The following KMT5A variants were observed in gnomAD, a reference collection of about 807,000 sequenced individuals.
The protein encoded by KMT5A is lysine methyltransferase 5A.
KMT5A carries 6 observed loss-of-function variants against 40.6 expected under a neutral mutation model. The ratio of observed to expected loss-of-function variants is 0.15; its 90% CI spans 0.08 to 0.29. The LOEUF (loss-of-function observed/expected upper bound fraction) is 0.29, where lower values mean the gene tolerates loss of function less well. Ranked by LOEUF, KMT5A falls within the 10% of genes least tolerant of loss-of-function variation. The pLI is 1.00. For missense variants in KMT5A, 308 were observed against 459.1 expected (o/e 0.67, Z 3.01); for synonymous variants, 153 against 178.8 (o/e 0.86, Z 1.15).
intron 1 of KMT5A, among the ~76,000 whole-genome samples, chr12:123,387,819 A>C (rs559352696): frequency 1.3e-5 from 2 of 152,190 alleles, no homozygotes; most frequent in Admixed American, 6.5e-5. Flanking sequence ...ATGGAATTCA[A>C]GGTTCTTGGT....
intron 7 of KMT5A, 118 bp downstream of exon 7, chr12:123,405,192 C>G: frequency 1.2e-6 from 1 of 839,364 alleles, no homozygotes; most frequent in Admixed American, 3.6e-5. Flanking sequence ...TTGTTGTTGA[C>G]TTTTTTTTTT....
intron 7 of KMT5A, among the ~76,000 whole-genome samples, chr12:123,405,843 G>A (rs1461410232): frequency 2.2e-5 from 3 of 134,192 alleles, no homozygotes; most frequent in Admixed American, 7.5e-5. Context: ...CTTTTGAGAC[G>A]GAGTCTCGTT....
At position 123,387,408 on chromosome 12, in the gene KMT5A, C is replaced by G. The variant is rs537788908; in HGVS notation, c.11-2025C>G. 5.3e-5 allele frequency among the ~76,000 whole-genome samples: 8 copies of G among 152,348 alleles called. No homozygotes were observed. In the South Asian group the frequency reaches 1.0e-3, roughly 20 times the overall value. On this transcript the variant is annotated intron_variant, in intron 1 of 7. Coordinates refer to ENST00000402868, the MANE Select transcript of KMT5A (RefSeq NM_020382.7). Reference sequence around the variant, plus strand: ...AGATGATCTATGTGGGTGCTTCCTGCTCCAAAACCATGATTCTCATGGCAG... The same window carrying G: ...AGATGATCTATGTGGGTGCTTCCTGGTCCAAAACCATGATTCTCATGGCAG...
At chr12:123,390,849 C>T in intron 3 of KMT5A, 63 bp downstream of exon 3, 4 of 1,552,450 alleles carry the variant, frequency 2.6e-6, no homozygotes, top group Non-Finnish European at 3.5e-6. Context: ...CCTCTGTCCT[C>T]TGCAAGAATG....
At chr12:123,390,889 C>A in intron 3 of KMT5A, 103 bp downstream of exon 3, 3 of 1,367,894 alleles carry the variant, frequency 2.2e-6, no homozygotes, top group Non-Finnish European at 3.0e-6. Flanking sequence ...CCTTTTCAGT[C>A]TCAGATTCGA....
chr12:123,390,039 G>A, intron 2 of KMT5A: 1 of 466,604 alleles, frequency 2.1e-6, no homozygotes, highest in Non-Finnish European at 4.4e-6. Flanking sequence ...CAAAGTGGCC[G>A]CCCCGAATGC....
At position 123,395,079 on chromosome 12, in the gene KMT5A, G is replaced by A. The variant is rs376869233; in HGVS notation, c.322G>A (p.Ala108Thr). The A allele has an allele frequency of 3.5e-5, 56 of 1,586,030 alleles. No homozygotes were observed. Among genetic ancestry groups the A allele is most frequent in the Non-Finnish European group, 4.4e-5 (51 of 1,166,022 alleles). ...KRNAGNAVRS[A>T]MKSEEQKIKD... ...AAATGCTGGGAACGCAGTACGGAGC[G>A]CCATGAAGTCCGAGGAACAGAAGAT... The change falls in exon 4 of 8, where the codon GCC becomes ACC. Residue 108 changes from alanine to threonine, a missense_variant. Ala to Thr is a moderately conservative substitution (Grantham distance 58, BLOSUM62 0). Coordinates refer to ENST00000402868, the MANE Select transcript of KMT5A (RefSeq NM_020382.7).
In KMT5A at chr12:123,384,913, C is replaced by T. The variant is rs1353969899; in HGVS notation, c.10+705C>T. ...GTCCTCTGCATACTTAGTTGGCTGT[C>T]AGGACAGTGCCTCCCAGGTATGCGG... On this transcript the variant is annotated intron_variant, in intron 1 of 7. Coordinates refer to ENST00000402868, the MANE Select transcript of KMT5A (RefSeq NM_020382.7). This position sits in a 1 kb window ranked among gnomAD's most constrained non-coding sequence, Gnocchi z 5.7. Among the ~76,000 whole-genome samples, 4 of 152,200 alleles carry T rather than the reference C, an allele frequency of 2.6e-5. No individual in the cohort carries two copies. The highest frequency in any genetic ancestry group is 4.4e-5 in the Non-Finnish European group (3 of 68,034).
intron 2 of KMT5A, 88 bp downstream of exon 2, chr12:123,389,642 G>A (rs1877128629): frequency 1.6e-5 from 15 of 958,828 alleles, no homozygotes; most frequent in African/African-American, 1.8e-5. Context: ...CCCGCCCGGG[G>A]CGCCCGGCCG....
At position 123,384,233 on chromosome 12, in the gene KMT5A, G is replaced by T. The variant is rs1300248392; in HGVS notation, c.10+25G>T. The T allele has an allele frequency of 6.2e-7, 1 of 1,612,338 alleles. No individual in the cohort carries two copies. ...GGTATTTGCCCAAGTGGCCGGCACC[G>T]GAGCGGCTGGGTCGGGGGTCGTGCT... On this transcript the variant is annotated intron_variant, in intron 1 of 7. Coordinates refer to ENST00000402868, the MANE Select transcript of KMT5A (RefSeq NM_020382.7). The surrounding 1 kb of genome is among the most constrained non-coding windows in gnomAD (Gnocchi z 5.7).
chr12:123,401,490 A>G (rs995167795), intron 5 of KMT5A, among the ~76,000 whole-genome samples: 28 of 151,200 alleles, frequency 1.9e-4, no homozygotes, highest in Non-Finnish European at 2.9e-4. Flanking sequence ...TAAGTGGAAC[A>G]TTTTAGTCCA....
intron 5 of KMT5A, among the ~76,000 whole-genome samples, chr12:123,402,176 CT>C (rs543989777): frequency 2.4e-4 from 36 of 152,230 alleles, no homozygotes; most frequent in Non-Finnish European, 4.3e-4. Flanking sequence ...GCCACTGCCC[CT>C]GGCCTCATTT....
At chr12:123,404,475 C>G (rs1221843556) in intron 6 of KMT5A, among the ~76,000 whole-genome samples, 1 of 152,206 alleles carries the variant, frequency 6.6e-6, no homozygotes, top group Non-Finnish European at 1.5e-5. Flanking sequence ...CGCATAGCCC[C>G]TAGACAGAGA....
At chr12:123,399,661 C>T (rs1328984197) in intron 5 of KMT5A, among the ~76,000 whole-genome samples, 2 of 152,186 alleles carry the variant, frequency 1.3e-5, no homozygotes, top group Non-Finnish European at 2.9e-5. Context: ...GGAGATTCCA[C>T]AGTAAACTAG....
intron 7 of KMT5A, 29 bp from the exon 8 acceptor site, chr12:123,407,464 A>G: frequency 6.2e-7 from 1 of 1,608,908 alleles, no homozygotes; most frequent in Non-Finnish European, 8.5e-7. Flanking sequence ...TTATCCATTT[A>G]ATCCTCTCTG....
chr12:123,391,665 C>G (rs1306724702), intron 3 of KMT5A, among the ~76,000 whole-genome samples: 2 of 152,256 alleles, frequency 1.3e-5, no homozygotes, highest in East Asian at 1.9e-4. Context: ...ACATCTTGCT[C>G]TAATCCAAAT....
intron 5 of KMT5A, among the ~76,000 whole-genome samples, chr12:123,403,191 C>T (rs61955121): frequency 2.0e-5 from 3 of 152,292 alleles, no homozygotes; most frequent in Non-Finnish European, 4.4e-5. Context: ...GCGTGAGCCA[C>T]CGCGCCTGGC....
intron 1 of KMT5A, among the ~76,000 whole-genome samples, chr12:123,386,712 T>G (rs1487447397): frequency 1.3e-5 from 2 of 152,186 alleles, no homozygotes; most frequent in African/African-American, 4.8e-5. Flanking sequence ...AACCCCAATA[T>G]ATTAGTCTCA....
At position 123,395,077 on chromosome 12, in the gene KMT5A, G is replaced by A; in HGVS notation, c.320G>A (p.Ser107Asn). The change falls in exon 4 of 8, where the codon AGC becomes AAC. Residue 107 changes from serine to asparagine, a missense_variant. Ser to Asn is a conservative substitution (Grantham distance 46). Coordinates refer to ENST00000402868, the MANE Select transcript of KMT5A (RefSeq NM_020382.7). ...EKRNAGNAVRSAMKSEEQKIK... is the reference protein window; with the variant it reads ...EKRNAGNAVRNAMKSEEQKIK... ...AGAAATGCTGGGAACGCAGTACGGAGCGCCATGAAGTCCGAGGAACAGAAG... is the reference window on the plus strand; with the variant it reads ...AGAAATGCTGGGAACGCAGTACGGAACGCCATGAAGTCCGAGGAACAGAAG... The A allele has an allele frequency of 1.3e-6, 2 of 1,584,498 alleles. No homozygotes were observed. The highest frequency in any genetic ancestry group is 1.7e-6 in the Non-Finnish European group (2 of 1,165,206).
Sources: gnomAD v4.1 joint callset for allele counts (sites outside exome capture counted in the v4.1 genomes callset) on GRCh38, gnomAD v4.1.1 for gene constraint, Gnocchi (gnomAD v3.1) non-coding constraint, MANE v1.5 for transcripts, NCBI Gene and HGNC (gene_info 2026-07-23, HGNC 2026-07-21) for gene names.